FOXRED2: variants seen among roughly 807,000 people sequenced by gnomAD.
FOXRED2 encodes the protein FAD dependent oxidoreductase domain containing 2, also known as FAD-dependent oxidoreductase domain-containing protein 2.
Under a neutral mutation model 52.5 loss-of-function variants are expected in FOXRED2, and 32 were observed. The ratio of observed to expected loss-of-function variants is 0.61; its 90% CI spans 0.46 to 0.82. The LOEUF (loss-of-function observed/expected upper bound fraction) is 0.82, where lower values mean the gene tolerates loss of function less well. Among genes scored for constraint, FOXRED2 ranks in the 40% least tolerant of loss-of-function variants. The probability of loss-of-function intolerance (pLI) is 0.00; values close to 1 mark genes in which losing one functional copy is unlikely to be tolerated. For missense variants in FOXRED2, 848 were observed against 937.5 expected (o/e 0.90, Z 1.25); for synonymous variants, 405 against 398.1 (o/e 1.02, Z -0.21).
In FOXRED2 at chr22:36,506,204, C is replaced by T. The variant is rs1934190786; in HGVS notation, c.219G>A (p.Pro73=). The change falls in exon 2 of 9, where the codon CCG becomes CCA. Residue 73 remains proline (P), a synonymous_variant. Coordinates refer to ENST00000397224, the MANE Select transcript of FOXRED2 (RefSeq NM_001102371.2). ...PRPGSFFTRY[P]RHRKLISINK... ...TGATGCTGATGAGCTTGCGGTGCCGCGGGTAGCGTGTGAAGAAGCTGCCGG... is the reference window on the plus strand; with the variant it reads ...TGATGCTGATGAGCTTGCGGTGCCGTGGGTAGCGTGTGAAGAAGCTGCCGG... 1 of 1,614,110 alleles carries T rather than the reference C, an allele frequency of 6.2e-7. No homozygotes were observed. Among genetic ancestry groups the T allele is most frequent in the South Asian group, 1.1e-5 (1 of 91,088 alleles).
intron 4 of FOXRED2, 87 bp from the exon 5 acceptor site, chr22:36,501,494 C>T: frequency 1.5e-6 from 2 of 1,367,136 alleles, no homozygotes; most frequent in South Asian, 1.3e-5. Flanking sequence ...GAGTTTCGCT[C>T]TTGTCGCCCA....
At chr22:36,494,614 A>T (rs561246720) in intron 7 of FOXRED2, among the ~76,000 whole-genome samples, 1 of 151,936 alleles carries the variant, frequency 6.6e-6, no homozygotes, top group Non-Finnish European at 1.5e-5. Context: ...CAATTCCCCC[A>T]CTGAACAGCT....
At chr22:36,502,796 G>A (rs759546271) in intron 4 of FOXRED2, among the ~76,000 whole-genome samples, 66 of 152,148 alleles carry the variant, frequency 4.3e-4, no homozygotes, top group Admixed American at 9.8e-4. Flanking sequence ...AGGTTCAGGC[G>A]ATTCTCTTGC....
intron 5 of FOXRED2, among the ~76,000 whole-genome samples, chr22:36,500,671 C>T (rs976832914): frequency 2.0e-5 from 3 of 151,182 alleles, no homozygotes; most frequent in Non-Finnish European, 2.9e-5. Flanking sequence ...GCAACCTCCA[C>T]CTCCTGGGTT....
rs1484706509 is a variant in FOXRED2 at position 36,493,272 on chromosome 22, T to C, written c.1795+361A>G. Among the ~76,000 whole-genome samples, 3 of 152,262 alleles carry C rather than the reference T, an allele frequency of 2.0e-5. No individual in the cohort carries two copies. In the East Asian group the frequency reaches 5.8e-4, roughly 29 times the overall value. On this transcript the variant is annotated intron_variant, in intron 8 of 8. Transcript: ENST00000397224. The stretch of plus-strand genomic sequence containing the variant: ...GGCCAATATGGTGAAACCCCATCTC[T>C]ACTAAAAAATAAAAAAATTAGTTGG...
Position 36,501,403 on chromosome 22 carries a change from G to C in FOXRED2, c.1054C>G (p.Leu352Val), listed in dbSNP as rs769653054. ...NFDFSIFNKS[L>V]RLNSGNAFGK... ...AATGCATTTCCCGAGTTAAGTCTGA[G>C]GGACCTGTCAGTGGAAAGGGCTGTT... The change falls in exon 5 of 9, where the codon CTC becomes GTC. Residue 352 changes from leucine to valine, a missense_variant. Physicochemically the swap from Leu to Val is conservative, Grantham distance 32. Transcript: ENST00000397224. The C allele has an allele frequency of 1.2e-6, 2 of 1,613,908 alleles. No individual in the cohort carries two copies. The highest frequency in any genetic ancestry group is 2.2e-5 in the South Asian group (2 of 91,072).
At position 36,498,140 on chromosome 22, in the gene FOXRED2, C is replaced by T. The variant is rs764952179; in HGVS notation, c.1233G>A (p.Arg411=). 2.5e-6 allele frequency: 4 copies of T among 1,611,334 alleles called. No individual in the cohort carries two copies. Among genetic ancestry groups the T allele is most frequent in the Non-Finnish European group, 3.4e-6 (4 of 1,179,886 alleles). ...GFRYTVRAVH[R]LLEHRHHSVT... ...CGCTGTGGTGGCGGTGCTCCAGGAG[C>T]CGGTGAACAGCACGCACTGGAACAG... Residue 411 remains arginine, a synonymous_variant, in exon 6 of 9, where the codon CGG becomes CGA. Transcript: ENST00000397224.
At chr22:36,497,888 A>G (rs1219003011) in intron 6 of FOXRED2, 103 bp downstream of exon 6, 1 of 1,271,354 alleles carries the variant, frequency 7.9e-7, no homozygotes, top group Non-Finnish European at 1.1e-6. Context: ...CCTTCATCTT[A>G]GGAAAGAACT....
rs1934138258 is a variant in FOXRED2 at position 36,504,445 on chromosome 22, G to A, written c.779+70C>T. 1.4e-5 allele frequency: 22 copies of A among 1,607,726 alleles called. No individual in the cohort carries two copies. The South Asian group carries it at 2.3e-4, about 17-fold the overall frequency. ...GCAGCTGGGGTCAGGAAGGGCAGGGGAGGGTTGGGGAGGCTCTTTCCACAC... is the reference window on the plus strand; with the variant it reads ...GCAGCTGGGGTCAGGAAGGGCAGGGAAGGGTTGGGGAGGCTCTTTCCACAC... On this transcript the variant is annotated intron_variant, in intron 3 of 8. Coordinates refer to ENST00000397224, the MANE Select transcript of FOXRED2 (RefSeq NM_001102371.2).
intron 5 of FOXRED2, among the ~76,000 whole-genome samples, chr22:36,500,993 G>C (rs909868807): frequency 1.3e-5 from 2 of 151,988 alleles, no homozygotes; most frequent in Non-Finnish European, 2.9e-5. Flanking sequence ...GGACTCAAGG[G>C]ATCCTCCTGC....
Position 36,487,477 on chromosome 22 carries a change from A to T in FOXRED2, c.*2531T>A, listed in dbSNP as rs1933634985. 2 of 152,252 alleles carry T rather than the reference A, an allele frequency of 1.3e-5. No homozygotes were observed. The highest frequency in any genetic ancestry group is 4.1e-4 in the South Asian group (2 of 4,834). The allele number at this position is 152,252 out of a possible 1,614,324, so 9.4% of individuals were successfully genotyped here. ...GACTAAAGGTGACTCAGGTCAGAGC[A>T]GGTGACAGAGGCTAGGAGGGGATTG... is the stretch of plus-strand genomic sequence containing the variant. On this transcript the variant is annotated 3_prime_UTR_variant, in exon 9 of 9. Transcript: ENST00000397224.
chr22:36,504,423 G>A, intron 3 of FOXRED2, 56 bp from the exon 4 acceptor site: 1 of 1,608,952 alleles, frequency 6.2e-7, no homozygotes, highest in Non-Finnish European at 8.5e-7. Context: ...GGGCAGTGCA[G>A]CTGGGGTCAG....
At chr22:36,504,447 G>T in intron 3 of FOXRED2, 68 bp downstream of exon 3, 2 of 1,608,578 alleles carry the variant, frequency 1.2e-6, no homozygotes, top group African/African-American at 2.7e-5. Flanking sequence ...GGGCAGGGGA[G>T]GGTTGGGGAG....
At chr22:36,501,199 G>T in intron 5 of FOXRED2, 42 bp downstream of exon 5, 1 of 1,600,176 alleles carries the variant, frequency 6.2e-7, no homozygotes, top group Non-Finnish European at 8.6e-7. Context: ...TGCTGAGAGT[G>T]GTTCCGTCTG....
chr22:36,494,033 G>A (rs771945043), intron 7 of FOXRED2, among the ~76,000 whole-genome samples: 26 of 152,336 alleles, frequency 1.7e-4, no homozygotes, highest in Admixed American at 4.6e-4. Context: ...TTGTGGTTTC[G>A]GAAGGCAGTG....
intron 5 of FOXRED2, among the ~76,000 whole-genome samples, chr22:36,499,111 G>T (rs986711492): frequency 1.3e-5 from 2 of 152,016 alleles, no homozygotes; most frequent in Non-Finnish European, 2.9e-5. Flanking sequence ...AGTAGAGATG[G>T]GGTTTCACCA....
intron 7 of FOXRED2, among the ~76,000 whole-genome samples, chr22:36,494,277 G>A (rs1046181772): frequency 1.3e-5 from 2 of 151,962 alleles, no homozygotes; most frequent in African/African-American, 4.8e-5. Context: ...CCACCACACC[G>A]AGCTCATATT....
intron 7 of FOXRED2, among the ~76,000 whole-genome samples, chr22:36,495,422 G>T (rs1035378271): frequency 3.9e-5 from 6 of 152,202 alleles, no homozygotes; most frequent in African/African-American, 1.4e-4. Context: ...TTCACTTATT[G>T]GTAGCTACTC....
In FOXRED2 at chr22:36,506,018, C is replaced by G; in HGVS notation, c.405G>C (p.Thr135=). The G allele has an allele frequency of 6.2e-7, 1 of 1,614,244 alleles. No homozygotes were observed. The highest frequency in any genetic ancestry group is 1.1e-5 in the South Asian group (1 of 91,088). Residue 135 remains threonine, a synonymous_variant, in exon 2 of 9, where the codon ACG becomes ACC. Transcript: ENST00000397224. ...TGTTGTACTGGACACGGAGCCCCAGCGTGTCCGCGAAGTCACCCAGGTAGC... is the reference window on the plus strand; with the variant it reads ...TGTTGTACTGGACACGGAGCCCCAGGGTGTCCGCGAAGTCACCCAGGTAGC... The part of the protein sequence containing the change: ...MVRYLGDFAD[T]LGLRVQYNTT...
Sources: allele counts gnomAD v4.1 joint callset (sites outside exome capture counted in the v4.1 genomes callset), GRCh38; gene constraint gnomAD v4.1.1; transcripts MANE v1.5; gene names NCBI Gene and HGNC (gene_info 2026-07-23, HGNC 2026-07-21).